MBOAT2: variants seen among roughly 807,000 people sequenced by gnomAD.
MBOAT2 encodes membrane-bound glycerophospholipid O-acyltransferase 2.
In MBOAT2, 28 loss-of-function variants were observed where a neutral mutation model predicts 63.4. That is an observed-to-expected ratio of 0.44 (90% CI 0.33 to 0.61). The LOEUF (loss-of-function observed/expected upper bound fraction) is 0.61, where lower values mean the gene tolerates loss of function less well. Among genes scored for constraint, MBOAT2 ranks in the 20% least tolerant of loss-of-function variants. MBOAT2 has a pLI of 0.03. For missense variants in MBOAT2, 470 were observed against 605.8 expected (o/e 0.78, Z 2.35); for synonymous variants, 211 against 215.6 (o/e 0.98, Z 0.19).
At chr2:8,983,120 C>T (rs1001927914) in intron 1 of MBOAT2, among the ~76,000 whole-genome samples, 2 of 152,178 alleles carry the variant, frequency 1.3e-5, no homozygotes, top group African/African-American at 4.8e-5. Flanking sequence ...GTGCAGAATA[C>T]AGCCTGCCAC....
At chr2:8,972,863 G>A (rs1385670193) in intron 1 of MBOAT2, among the ~76,000 whole-genome samples, 2 of 152,108 alleles carry the variant, frequency 1.3e-5, no homozygotes, top group Non-Finnish European at 2.9e-5. Flanking sequence ...AAAAAGTCAG[G>A]AAACAACAGG....
intron 1 of MBOAT2, chr2:8,974,488 T>C: frequency 2.2e-6 from 1 of 453,782 alleles, no homozygotes. Flanking sequence ...ACCCAGGCCT[T>C]GATGAGGTTG....
chr2:8,865,580 C>T (rs1366057474), intron 9 of MBOAT2, among the ~76,000 whole-genome samples: 1 of 152,240 alleles, frequency 6.6e-6, no homozygotes, highest in Non-Finnish European at 1.5e-5. Context: ...ATGTTTTACT[C>T]TCTCCATTTT....
chr2:8,883,808 A>G (rs1276223154), intron 5 of MBOAT2, among the ~76,000 whole-genome samples: 1 of 152,198 alleles, frequency 6.6e-6, no homozygotes. Context: ...GTAATAGCAG[A>G]AAAAAAGTAA....
chr2:8,892,751 T>C (rs973827282), intron 4 of MBOAT2, among the ~76,000 whole-genome samples: 15 of 152,072 alleles, frequency 9.9e-5, no homozygotes, highest in African/African-American at 3.6e-4. Context: ...GGACAAGCTC[T>C]GTGGAGGCCT....
intron 2 of MBOAT2, among the ~76,000 whole-genome samples, chr2:8,947,403 G>T (rs1011904594): frequency 1.3e-5 from 2 of 152,166 alleles, no homozygotes; most frequent in Admixed American, 6.5e-5. Context: ...ATCTAACTAA[G>T]ATCACTGATG....
At chr2:8,924,624 G>A (rs530514542) in intron 3 of MBOAT2, among the ~76,000 whole-genome samples, 94 of 151,890 alleles carry the variant, frequency 6.2e-4, no homozygotes, top group African/African-American at 2.3e-3. Context: ...GATACATGAA[G>A]TCACTTGATT....
At chr2:8,919,477 A>G (rs1666418616) in intron 3 of MBOAT2, among the ~76,000 whole-genome samples, 2 of 152,162 alleles carry the variant, frequency 1.3e-5, no homozygotes, top group Admixed American at 6.6e-5. Flanking sequence ...TTAATTTGCA[A>G]TTCGCTAATG....
intron 1 of MBOAT2, among the ~76,000 whole-genome samples, chr2:8,982,496 C>T (rs528052042): frequency 1.2e-4 from 19 of 152,296 alleles, no homozygotes; most frequent in African/African-American, 4.6e-4. Context: ...TCTGTAATCA[C>T]TTTTGGAAAC....
intron 1 of MBOAT2, among the ~76,000 whole-genome samples, chr2:8,966,859 C>G (rs1670032279): frequency 6.6e-6 from 1 of 152,160 alleles, no homozygotes; most frequent in Admixed American, 6.5e-5. Flanking sequence ...ACCCATGTGT[C>G]TAACATGGGG....
At chr2:8,990,320 A>C (rs1671841264) in intron 1 of MBOAT2, among the ~76,000 whole-genome samples, 1 of 152,198 alleles carries the variant, frequency 6.6e-6, no homozygotes, top group South Asian at 2.1e-4. Context: ...TAGAGACAAA[A>C]TAGGAAAAGT....
chr2:8,985,094 A>C (rs1321789396), intron 1 of MBOAT2, among the ~76,000 whole-genome samples: 3 of 151,968 alleles, frequency 2.0e-5, no homozygotes, highest in African/African-American at 4.8e-5. Flanking sequence ...GAAAAAAAAA[A>C]CTAAAATGTC....
Position 8,958,707 on chromosome 2 carries a change from T to C in MBOAT2, c.76-65A>G, listed in dbSNP as rs560000378. On this transcript the variant is annotated intron_variant, in intron 1 of 12. Coordinates refer to ENST00000305997, the MANE Select transcript of MBOAT2 (RefSeq NM_138799.4). ...CCTGAATTTTTCATATCATGTTACA[T>C]TGAAATTCTCAGGACAAAAACACCA... 2,599 of 1,399,530 alleles carry C rather than the reference T, an allele frequency of 1.9e-3. 6 individuals carry two copies. Among genetic ancestry groups the C allele is most frequent in the Non-Finnish European group, 2.3e-3 (2,406 of 1,057,502 alleles). 86.7% of individuals were successfully genotyped at this position (1,399,530 alleles called of 1,614,324 possible). A position where few individuals can be genotyped will look rare whatever the true frequency, so the allele number is the denominator to read the frequency against.
Position 8,902,513 on chromosome 2 carries a change from T to C in MBOAT2, c.395+6108A>G, listed in dbSNP as rs189181027. 4.6e-5 allele frequency among the ~76,000 whole-genome samples: 7 copies of C among 152,254 alleles called. No homozygotes were observed. In the East Asian group the frequency reaches 1.4e-3, roughly 29 times the overall value. The stretch of plus-strand genomic sequence containing the variant: ...TCCTTCTGATGGGTTCGTGGCCTTG[T>C]TGACTTCAGGAGTGAAGCTGCAGAC... On this transcript the variant is annotated intron_variant, in intron 4 of 12. Transcript: ENST00000305997.
chr2:8,941,357 TA>T, intron 3 of MBOAT2, among the ~76,000 whole-genome samples: 1 of 152,338 alleles, frequency 6.6e-6, no homozygotes. Context: ...CCTGAATACT[TA>T]CTGTAAAAGA....
chr2:8,970,951 G>C (rs554072575), intron 1 of MBOAT2, among the ~76,000 whole-genome samples: 257 of 152,272 alleles, frequency 1.7e-3, no homozygotes, highest in African/African-American at 5.8e-3. Context: ...GGAGGAACTG[G>C]TACCATTCCT....
intron 2 of MBOAT2, among the ~76,000 whole-genome samples, chr2:8,954,404 G>C (rs749292785): frequency 1.3e-5 from 2 of 152,036 alleles, no homozygotes; most frequent in Non-Finnish European, 2.9e-5. Flanking sequence ...TGGGGGGCAG[G>C]GGCCACAAAG....
At chr2:8,983,636 A>T (rs1671353101) in intron 1 of MBOAT2, among the ~76,000 whole-genome samples, 1 of 152,178 alleles carries the variant, frequency 6.6e-6, no homozygotes, top group Non-Finnish European at 1.5e-5. Flanking sequence ...GCTAAAAAGG[A>T]CTTGATGTGA....
intron 3 of MBOAT2, among the ~76,000 whole-genome samples, chr2:8,938,363 G>A (rs1452469724): frequency 1.3e-5 from 2 of 151,944 alleles, no homozygotes; most frequent in Non-Finnish European, 2.9e-5. Context: ...ATATGGTTGG[G>A]CACACGCTCT....
Sources: allele counts gnomAD v4.1 joint callset (sites outside exome capture counted in the v4.1 genomes callset), GRCh38; gene constraint gnomAD v4.1.1; transcripts MANE v1.5; gene names NCBI Gene and HGNC (gene_info 2026-07-23, HGNC 2026-07-21).